Variants in ITM2C observed in about 807,000 individuals in gnomAD.
The protein encoded by ITM2C is BRICHOS domain containing 2C.
ITM2C carries 20 observed loss-of-function variants against 30.0 expected under a neutral mutation model. The observed-to-expected ratio is 0.67, with a 90% CI of 0.47 to 0.97. The LOEUF is 0.97. Ranked by LOEUF, ITM2C falls within the 50% of genes least tolerant of loss-of-function variation. ITM2C has a pLI of 0.00. For missense variants in ITM2C, 366 were observed against 371.9 expected, an observed-to-expected ratio of 0.98 and a Z score of 0.13; for synonymous variants, 167 against 156.4, an observed-to-expected ratio of 1.07 and a Z score of -0.51.
In ITM2C at chr2:230,877,019, C is replaced by G. The variant is rs555393067; in HGVS notation, c.561+52C>G. 70 of 1,263,270 alleles carry G rather than the reference C, an allele frequency of 5.5e-5. 2 individuals are homozygous for G. The South Asian group carries it at 8.4e-4, about 15-fold the overall frequency. The allele number at this position is 1,263,270 out of a possible 1,614,324, so 78.3% of individuals were successfully genotyped here. ...GCAGCATCCTGTCCCTCCCTTGCCC[C>G]CTGTCTCATGGAGGCTAGGTCTGAG... On this transcript the variant is annotated intron_variant, in intron 4 of 5. Transcript: ENST00000326427. The surrounding 1 kb of genome is among the most constrained non-coding windows in gnomAD (Gnocchi z 4.8).
intron 1 of ITM2C, among the ~76,000 whole-genome samples, chr2:230,869,755 CCT>C (rs1697119527): frequency 6.6e-6 from 1 of 152,216 alleles, no homozygotes; most frequent in Admixed American, 6.5e-5. Flanking sequence ...CTGGTTTCCC[CCT>C]GACCATTTTG....
chr2:230,869,870 A>T (rs1462968380), intron 1 of ITM2C, among the ~76,000 whole-genome samples: 1 of 151,802 alleles, frequency 6.6e-6, no homozygotes, highest in Non-Finnish European at 1.5e-5. Flanking sequence ...CTTCCGGCTC[A>T]TGCGCCCTTC....
At chr2:230,868,573 ATCT>A (rs1253698089) in intron 1 of ITM2C, among the ~76,000 whole-genome samples, 2 of 148,936 alleles carry the variant, frequency 1.3e-5, no homozygotes, top group African/African-American at 2.4e-5. Context: ...AAATACAATC[ATCT>A]TCTTACCTCT....
At position 230,875,188 on chromosome 2, in the gene ITM2C, C is replaced by G. The variant is rs80229635; in HGVS notation, c.262-432C>G. Among the ~76,000 whole-genome samples the G allele has an allele frequency of 7.7e-3, 1,170 of 152,322 alleles. 19 individuals are homozygous for G. The highest frequency in any genetic ancestry group is 0.027 in the African/African-American group (1,114 of 41,574). Reference sequence around the variant, plus strand: ...CCAGGCTCTTTCTCTGGTGTCTGCACCTCTGTGGAGGGCACGGAGGTGGCC... The same window carrying G: ...CCAGGCTCTTTCTCTGGTGTCTGCAGCTCTGTGGAGGGCACGGAGGTGGCC... On this transcript the variant is annotated intron_variant, in intron 2 of 5. Coordinates refer to ENST00000326427, the MANE Select transcript of ITM2C (RefSeq NM_030926.6).
Position 230,873,504 on chromosome 2 carries a change from A to G in ITM2C, c.208A>G (p.Met70Val), listed in dbSNP as rs770415857. ...GTCGATGGGCATGGTCGTGCTGCTC[A>G]TGGGCCTCGTGTTCGCCTCTGTCTA... ...YLSMGMVVLL[M>V]GLVFASVYIY... Residue 70 changes from methionine (M) to valine (V), a missense_variant, in exon 2 of 6, where the codon ATG (methionine) becomes GTG (valine). Met to Val is a conservative substitution (Grantham distance 21, BLOSUM62 1). Coordinates refer to ENST00000326427, the MANE Select transcript of ITM2C (RefSeq NM_030926.6). 4.8e-5 allele frequency: 77 copies of G among 1,611,084 alleles called. No homozygotes were observed. In the Admixed American group the frequency reaches 1.1e-3, roughly 23 times the overall value.
rs932907113 is a variant in ITM2C, at chr2:230,877,885, C to G, written c.713-123C>G. 4 of 775,500 alleles carry G rather than the reference C, an allele frequency of 5.2e-6. No individual in the cohort carries two copies. Among genetic ancestry groups the G allele is most frequent in the Non-Finnish European group, 8.5e-6 (4 of 469,780 alleles). 48.0% of individuals were successfully genotyped at this position (775,500 alleles called of 1,614,324 possible). On this transcript the variant is annotated intron_variant, in intron 5 of 5. Transcript: ENST00000326427. This position sits in a 1 kb window ranked among gnomAD's most constrained non-coding sequence, Gnocchi z 4.8. Reference sequence around the variant, plus strand: ...AGCTCTCCCCATTTCTCACTGTGCTCTTTGGGTGAATCTGGGTGAATGGTG... The same window carrying G: ...AGCTCTCCCCATTTCTCACTGTGCTGTTTGGGTGAATCTGGGTGAATGGTG...
Position 230,877,874 on chromosome 2 carries a change from C to G in ITM2C, c.713-134C>G. 1 of 723,034 alleles carries G rather than the reference C, an allele frequency of 1.4e-6. No homozygotes were observed. Among genetic ancestry groups the G allele is most frequent in the East Asian group, 2.7e-5 (1 of 36,720 alleles). 44.8% of individuals were successfully genotyped at this position (723,034 alleles called of 1,614,324 possible). A position where few individuals can be genotyped will look rare whatever the true frequency, so the allele number is the denominator to read the frequency against. ...TCCAGCTTTCGAGCTCTCCCCATTT[C>G]TCACTGTGCTCTTTGGGTGAATCTG... On this transcript the variant is annotated intron_variant, in intron 5 of 5. Coordinates refer to ENST00000326427, the MANE Select transcript of ITM2C (RefSeq NM_030926.6). The surrounding 1 kb of genome is among the most constrained non-coding windows in gnomAD (Gnocchi z 4.8).
Position 230,878,420 on chromosome 2 carries a change from G to T in ITM2C, c.*321G>T. 1 of 195,976 alleles carries T rather than the reference G, an allele frequency of 5.1e-6. No individual in the cohort carries two copies. The allele number at this position is 195,976 out of a possible 1,614,324, so 12.1% of individuals were successfully genotyped here. A position where few individuals can be genotyped will look rare whatever the true frequency, so the allele number is the denominator to read the frequency against. On this transcript the variant is annotated 3_prime_UTR_variant, in exon 6 of 6. Transcript: ENST00000326427. This position sits in a 1 kb window ranked among gnomAD's most constrained non-coding sequence, Gnocchi z 4.5. ...ACCGGCAGCCCAAGGGGAAGGACCGGTTGGGGGAGCCGGGCATGTGAGGCC... is the reference window on the plus strand; with the variant it reads ...ACCGGCAGCCCAAGGGGAAGGACCGTTTGGGGGAGCCGGGCATGTGAGGCC...
At position 230,878,427 on chromosome 2, in the gene ITM2C, G is replaced by T. The variant is rs1231864312; in HGVS notation, c.*328G>T. Reference sequence around the variant, plus strand: ...GCCCAAGGGGAAGGACCGGTTGGGGGAGCCGGGCATGTGAGGCCCTGGGCA... The same window carrying T: ...GCCCAAGGGGAAGGACCGGTTGGGGTAGCCGGGCATGTGAGGCCCTGGGCA... On this transcript the variant is annotated 3_prime_UTR_variant, in exon 6 of 6. Transcript: ENST00000326427. This position sits in a 1 kb window ranked among gnomAD's most constrained non-coding sequence, Gnocchi z 4.5. 1.5e-5 allele frequency: 3 copies of T among 197,462 alleles called. No individual in the cohort carries two copies. Among genetic ancestry groups the T allele is most frequent in the African/African-American group, 4.7e-5 (2 of 42,960 alleles). The allele number at this position is 197,462 out of a possible 1,614,324, so 12.2% of individuals were successfully genotyped here.
At position 230,877,483 on chromosome 2, in the gene ITM2C, G is replaced by A. The variant is rs35154063; in HGVS notation, c.645G>A (p.Gly215=). 24 of 1,614,040 alleles carry A rather than the reference G, an allele frequency of 1.5e-5. No individual in the cohort carries two copies. The highest frequency in any genetic ancestry group is 1.9e-5 in the Non-Finnish European group (23 of 1,179,954). Residue 215 remains glycine (G), a synonymous_variant, in exon 5 of 6, where the codon GGG becomes GGA. Coordinates refer to ENST00000326427, the MANE Select transcript of ITM2C (RefSeq NM_030926.6). The surrounding 1 kb of genome is among the most constrained non-coding windows in gnomAD (Gnocchi z 4.8). ...TEHVSDKEAL[G]SFIYHLCNGK... ...ATGTCAGTGACAAGGAGGCCCTGGG[G>A]TCCTTCATCTACCACCTGTGCAACG...
In ITM2C at chr2:230,865,228, C is replaced by T; in HGVS notation, c.120+83C>T. On this transcript the variant is annotated intron_variant, in intron 1 of 5. Coordinates refer to ENST00000326427, the MANE Select transcript of ITM2C (RefSeq NM_030926.6). The surrounding 1 kb of genome is among the most constrained non-coding windows in gnomAD (Gnocchi z 6.8). ...GCGCCCCGTCGGCCCTGGGGACTGCCCGAGGCGCGTCAGGGCCCCAGAGCC... is the reference window on the plus strand; with the variant it reads ...GCGCCCCGTCGGCCCTGGGGACTGCTCGAGGCGCGTCAGGGCCCCAGAGCC... 7.9e-7 allele frequency: 1 copy of T among 1,269,448 alleles called. No homozygotes were observed. The highest frequency in any genetic ancestry group is 2.4e-5 in the South Asian group (1 of 41,898). 78.6% of individuals were successfully genotyped at this position (1,269,448 alleles called of 1,614,324 possible).
In ITM2C at chr2:230,878,135, C is replaced by T. The variant is rs777679750; in HGVS notation, c.*36C>T. ...CCCCAGAACCCCCTGCCGTGTTCCTCTTTTCTTCTTTCCGGCTGCTCTCTG... is the reference window on the plus strand; with the variant it reads ...CCCCAGAACCCCCTGCCGTGTTCCTTTTTTCTTCTTTCCGGCTGCTCTCTG... On this transcript the variant is annotated 3_prime_UTR_variant, in exon 6 of 6. Coordinates refer to ENST00000326427, the MANE Select transcript of ITM2C (RefSeq NM_030926.6). This position sits in a 1 kb window ranked among gnomAD's most constrained non-coding sequence, Gnocchi z 4.5. 2 of 1,458,652 alleles carry T rather than the reference C, an allele frequency of 1.4e-6. No individual in the cohort carries two copies. Among genetic ancestry groups the T allele is most frequent in the Admixed American group, 4.2e-5 (2 of 47,434 alleles). 90.4% of individuals were successfully genotyped at this position (1,458,652 alleles called of 1,614,324 possible). A position where few individuals can be genotyped will look rare whatever the true frequency, so the allele number is the denominator to read the frequency against.
Position 230,876,922 on chromosome 2 carries a change from T to A in ITM2C, c.516T>A (p.Ile172=), listed in dbSNP as rs747467976. 6.2e-7 allele frequency: 1 copy of A among 1,614,040 alleles called. No individual in the cohort carries two copies. The highest frequency in any genetic ancestry group is 1.1e-5 in the South Asian group (1 of 91,080). ...ATGTCATCGAACTCAACACCACCAT[T>A]GTGCTGCCCCCTCGCAACTTCTGGG... The part of the protein sequence containing the change: ...KCYVIELNTT[I]VLPPRNFWEL... Residue 172 remains isoleucine, a synonymous_variant, in exon 4 of 6, where the codon ATT becomes ATA. Coordinates refer to ENST00000326427, the MANE Select transcript of ITM2C (RefSeq NM_030926.6).
intron 3 of ITM2C, among the ~76,000 whole-genome samples, chr2:230,876,638 C>A (rs557779899): frequency 1.3e-5 from 2 of 152,192 alleles, no homozygotes; most frequent in Non-Finnish European, 2.9e-5. Flanking sequence ...CCCACCACCA[C>A]GCCTGGCAAA....
At chr2:230,864,484 G>C (rs1266710671), upstream of ITM2C, among the ~76,000 whole-genome samples, 1 of 152,188 alleles carries the variant, frequency 6.6e-6, no homozygotes, top group Non-Finnish European at 1.5e-5. This position sits in a 1 kb window ranked among gnomAD's most constrained non-coding sequence, Gnocchi z 4.3. Context: ...TCGGAGGAGG[G>C]GGGCGTGGGG....
At chr2:230,873,060 T>C (rs1370708529) in intron 1 of ITM2C, among the ~76,000 whole-genome samples, 3 of 152,044 alleles carry the variant, frequency 2.0e-5, no homozygotes, top group Non-Finnish European at 4.4e-5. Context: ...ATCTTCTGTT[T>C]GAAAGAATAT....
chr2:230,878,261 A>T lies in ITM2C; in HGVS notation c.*162A>T. 1 of 426,628 alleles carries T rather than the reference A, an allele frequency of 2.3e-6. No homozygotes were observed. The highest frequency in any genetic ancestry group is 4.1e-6 in the Non-Finnish European group (1 of 243,686). 26.4% of individuals were successfully genotyped at this position (426,628 alleles called of 1,614,324 possible). On this transcript the variant is annotated 3_prime_UTR_variant, in exon 6 of 6. Transcript: ENST00000326427. The surrounding 1 kb of genome is among the most constrained non-coding windows in gnomAD (Gnocchi z 4.5). ...CCAACCCTGCCCACCTCCCTGTACC[A>T]GAGCTGTGATCTCTCGGTGGGGGGC...
chr2:230,872,702 C>T (rs190939626), intron 1 of ITM2C, among the ~76,000 whole-genome samples: 89 of 152,230 alleles, frequency 5.8e-4, no homozygotes, highest in Middle Eastern at 3.4e-3. Flanking sequence ...GACTGCCGGT[C>T]GGTGCCTGTG....
chr2:230,864,335 C>T (rs1325302006), upstream of ITM2C, among the ~76,000 whole-genome samples: 1 of 152,158 alleles, frequency 6.6e-6, no homozygotes, highest in Non-Finnish European at 1.5e-5. The surrounding 1 kb of genome is among the most constrained non-coding windows in gnomAD (Gnocchi z 4.3). Flanking sequence ...CCAGGACCCC[C>T]CAGGAAGGTT....
Sources: gnomAD v4.1 joint callset for allele counts (sites outside exome capture counted in the v4.1 genomes callset) on GRCh38, gnomAD v4.1.1 for gene constraint, Gnocchi (gnomAD v3.1) non-coding constraint, MANE v1.5 for transcripts, NCBI Gene and HGNC (gene_info 2026-07-23, HGNC 2026-07-21) for gene names.